ACTR3C: variants seen among roughly 807,000 people sequenced by gnomAD.
ACTR3C encodes the protein actin related protein 3C.
A neutral mutation model predicts 26.3 loss-of-function variants in ACTR3C; 18 were observed. The ratio of observed to expected loss-of-function variants is 0.68; its 90% CI spans 0.47 to 1.01. The LOEUF is 1.01. Among genes scored for constraint, ACTR3C ranks in the 50% least tolerant of loss-of-function variants. The pLI, the probability that ACTR3C is intolerant of heterozygous loss-of-function variation, is 0.00. For synonymous variants in ACTR3C, 55 were observed against 94.5 expected, an observed-to-expected ratio of 0.58 and a Z score of 2.42; for missense variants, 184 against 250.7, an observed-to-expected ratio of 0.73 and a Z score of 1.80.
chr7:150,033,847 C>T, the ACTR3C span, among the ~76,000 whole-genome samples: 2 of 151,526 alleles, frequency 1.3e-5, no homozygotes, highest in Non-Finnish European at 1.5e-5. Flanking sequence ...GGGGTGCCTC[C>T]GCCCCCAGCG....
chr7:150,085,508 G>A, the ACTR3C span, among the ~76,000 whole-genome samples: 2 of 152,096 alleles, frequency 1.3e-5, no homozygotes, highest in Non-Finnish European at 2.9e-5. Flanking sequence ...GTGGTGAGGA[G>A]AGAGGAGATT....
At chr7:149,990,769 T>G in the ACTR3C span, among the ~76,000 whole-genome samples, 1 of 152,122 alleles carries the variant, frequency 6.6e-6, no homozygotes, top group African/African-American at 2.4e-5. Flanking sequence ...AGGCAGAGTC[T>G]GCCACCCCTT....
the ACTR3C span, among the ~76,000 whole-genome samples, chr7:150,084,606 G>A: frequency 6.6e-6 from 1 of 152,186 alleles, no homozygotes; most frequent in East Asian, 1.9e-4. Flanking sequence ...GAAGGAATGT[G>A]ATATATTTGA....
the ACTR3C span, among the ~76,000 whole-genome samples, chr7:150,188,696 T>C: frequency 6.6e-6 from 1 of 151,926 alleles, no homozygotes; most frequent in Non-Finnish European, 1.5e-5. Flanking sequence ...ATTCTTTCTC[T>C]TGATTATCAT....
the ACTR3C span, among the ~76,000 whole-genome samples, chr7:150,011,799 G>A: frequency 6.6e-6 from 1 of 152,264 alleles, no homozygotes; most frequent in South Asian, 2.1e-4. Flanking sequence ...AACTTACTGT[G>A]TTCGTTCAGC....
At chr7:150,250,987 A>G (rs1184559862) in intron 6 of ACTR3C, among the ~76,000 whole-genome samples, 1 of 152,226 alleles carries the variant, frequency 6.6e-6, no homozygotes, top group East Asian at 1.9e-4. Context: ...AACCATACAA[A>G]TGTAAATATG....
At chr7:150,045,797 T>C in the ACTR3C span, among the ~76,000 whole-genome samples, 1 of 152,262 alleles carries the variant, frequency 6.6e-6, no homozygotes, top group Non-Finnish European at 1.5e-5. Flanking sequence ...CTCTTGCCTT[T>C]CCTTTCTCCT....
At chr7:150,076,634 G>A in the ACTR3C span, 1 of 152,118 alleles carries the variant, frequency 6.6e-6, no homozygotes, top group African/African-American at 2.4e-5. Flanking sequence ...AGCACCAGAA[G>A]CTCCCAGAAT....
the ACTR3C span, among the ~76,000 whole-genome samples, chr7:149,988,938 A>G: frequency 6.6e-6 from 1 of 152,252 alleles, no homozygotes; most frequent in South Asian, 2.1e-4. Flanking sequence ...AAACCAAATT[A>G]CCACTCTGAG....
rs771001246 is a variant in ACTR3C, at chr7:150,289,464, C to T, written c.283G>A (p.Ala95Thr). Residue 95 changes from alanine (A) to threonine (T), a missense_variant, in exon 4 of 8, where the codon GCA becomes ACA. By Grantham distance (58) the Ala-to-Thr change is moderately conservative. Transcript: ENST00000683684. Reference sequence around the variant, plus strand: ...TCTGTTTTTACCTTAATGGCTTTTGCGGTCTCCAGTGACTGCTCAGGAGGG... The same window carrying T: ...TCTGTTTTTACCTTAATGGCTTTTGTGGTCTCCAGTGACTGCTCAGGAGGG... ...GIPPEQSLET[A>T]KAIKEKYCYI... The T allele has an allele frequency of 1.2e-5, 19 of 1,578,890 alleles. No individual in the cohort carries two copies. Among genetic ancestry groups the T allele is most frequent in the South Asian group, 4.8e-5 (4 of 83,146 alleles).
chr7:150,029,678 G>A, the ACTR3C span, among the ~76,000 whole-genome samples: 1 of 152,136 alleles, frequency 6.6e-6, no homozygotes, highest in Admixed American at 6.5e-5. Flanking sequence ...AATCTCATGT[G>A]TCTGCTTCCA....
chr7:150,035,243 AGTGGGG>A, the ACTR3C span, among the ~76,000 whole-genome samples: 61 of 93,794 alleles, frequency 6.5e-4, 5 homozygotes, highest in East Asian at 2.6e-3. Flanking sequence ...CCTAAGAGCC[AGTGGGG>A]GAACCAGGGG....
the ACTR3C span, among the ~76,000 whole-genome samples, chr7:149,896,051 A>C: frequency 1.5e-5 from 2 of 131,066 alleles, no homozygotes; most frequent in East Asian, 2.2e-4. Context: ...AAAAAAAAAA[A>C]AAAAACACAA....
the ACTR3C span, among the ~76,000 whole-genome samples, chr7:150,218,989 T>C: frequency 1.2e-4 from 19 of 152,050 alleles, no homozygotes; most frequent in Admixed American, 1.0e-3. Context: ...ATCAGAGAAA[T>C]GACTTGCTGA....
chr7:150,048,321 C>G, the ACTR3C span, among the ~76,000 whole-genome samples: 12 of 152,140 alleles, frequency 7.9e-5, no homozygotes, highest in African/African-American at 2.9e-4. Context: ...CTCCTCCACC[C>G]CGGCCCCTCC....
chr7:149,936,090 G>C, the ACTR3C span, among the ~76,000 whole-genome samples: 1 of 152,300 alleles, frequency 6.6e-6, no homozygotes, highest in South Asian at 2.1e-4. Context: ...TATTAGGATA[G>C]TCATTTCATC....
chr7:150,031,489 TC>T, the ACTR3C span, among the ~76,000 whole-genome samples: 4 of 152,150 alleles, frequency 2.6e-5, no homozygotes, highest in South Asian at 8.3e-4. Flanking sequence ...TCAGAAGACA[TC>T]CTTGGCCCCC....
chr7:150,252,849 T>A (rs1832948352), intron 6 of ACTR3C, among the ~76,000 whole-genome samples: 1 of 152,170 alleles, frequency 6.6e-6, no homozygotes, highest in African/African-American at 2.4e-5. Flanking sequence ...ATAATGCCTG[T>A]GTGTTTATTG....
At chr7:149,959,259 C>T in the ACTR3C span, among the ~76,000 whole-genome samples, 2 of 151,456 alleles carry the variant, frequency 1.3e-5, no homozygotes, top group Non-Finnish European at 2.9e-5. Context: ...CTGCTTCCTC[C>T]CCTCAGCATT....
Sources: gnomAD v4.1 joint callset for allele counts (sites outside exome capture counted in the v4.1 genomes callset) on GRCh38, gnomAD v4.1.1 for gene constraint, MANE v1.5 for transcripts, NCBI Gene and HGNC (gene_info 2026-07-23, HGNC 2026-07-21) for gene names.